Variants in HIPK2 observed in about 807,000 individuals in gnomAD.
The protein encoded by HIPK2 is homeodomain-interacting protein kinase 2.
A neutral mutation model predicts 113.7 loss-of-function variants in HIPK2; 27 were observed. The ratio of observed to expected loss-of-function variants is 0.24; its 90% CI spans 0.17 to 0.33. The LOEUF is 0.33. Among genes scored for constraint, HIPK2 ranks in the 10% least tolerant of loss-of-function variants. The pLI is 1.00. For missense variants in HIPK2, 1,257 were observed against 1,588.0 expected (o/e 0.79, Z 3.54); for synonymous variants, 631 against 642.2 (o/e 0.98, Z 0.26).
In HIPK2 at chr7:139,631,940, T is replaced by A. The variant is rs1800632029; in HGVS notation, c.1104-215A>T. On this transcript the variant is annotated intron_variant, in intron 2 of 14. Transcript: ENST00000406875. The surrounding 1 kb of genome is among the most constrained non-coding windows in gnomAD (Gnocchi z 4.9). ...GGCCCACTTGGAAGGTTGGCTGAGA[T>A]GAAGGATAAGTCTGTGTGTTTAGAA... is the stretch of plus-strand genomic sequence containing the variant. Among the ~76,000 whole-genome samples the A allele has an allele frequency of 6.6e-6, 1 of 152,186 alleles. No individual in the cohort carries two copies. The highest frequency in any genetic ancestry group is 2.4e-5 in the African/African-American group (1 of 41,440).
chr7:139,615,716 G>A (rs1297292843), intron 7 of HIPK2, among the ~76,000 whole-genome samples: 2 of 152,180 alleles, frequency 1.3e-5, no homozygotes, highest in Non-Finnish European at 2.9e-5. Context: ...TTCAAGTAGG[G>A]TGTGTATGGA....
At position 139,567,090 on chromosome 7, in the gene HIPK2, C is replaced by G. The variant is rs1798115267; in HGVS notation, c.*5837G>C. On this transcript the variant is annotated 3_prime_UTR_variant, in exon 15 of 15. Transcript: ENST00000406875. ...CAATAGGTTTTTTTTGCATTTAAAT[C>G]CTGTTTCACCGCCTTCCATTCTCTA... The G allele has an allele frequency of 6.6e-6, 1 of 152,216 alleles. No homozygotes were observed. Among genetic ancestry groups the G allele is most frequent in the Non-Finnish European group, 1.5e-5 (1 of 68,058 alleles). The allele number at this position is 152,216 out of a possible 1,614,324, so 9.4% of individuals were successfully genotyped here. A position where few individuals can be genotyped will look rare whatever the true frequency, so the allele number is the denominator to read the frequency against.
intron 1 of HIPK2, among the ~76,000 whole-genome samples, chr7:139,740,342 G>A (rs1004888931): frequency 1.3e-5 from 2 of 152,244 alleles, no homozygotes; most frequent in Non-Finnish European, 2.9e-5. Flanking sequence ...CCCGGAGAAA[G>A]AGCCAGCACC....
In HIPK2 at chr7:139,604,134, A is replaced by C. The variant is rs1799534767; in HGVS notation, c.2202T>G (p.His734Gln). The C allele has an allele frequency of 1.9e-6, 3 of 1,613,970 alleles. No homozygotes were observed. Among genetic ancestry groups the C allele is most frequent in the Non-Finnish European group, 2.5e-6 (3 of 1,179,896 alleles). Residue 734 changes from histidine (H) to glutamine (Q), a missense_variant, in exon 10 of 15, where the codon CAT (histidine) becomes CAG (glutamine). His to Gln is a conservative substitution (Grantham distance 24). Coordinates refer to ENST00000406875, the MANE Select transcript of HIPK2 (RefSeq NM_022740.5). ...CCATGGTCTCGGGAATCACGGTGGC[A>C]TGCTGCACTGATGTGTGGGTGGCCA... ...TGVATHTSVQ[H>Q]ATVIPETMAG...
intron 1 of HIPK2, among the ~76,000 whole-genome samples, chr7:139,749,283 C>T (rs780304893): frequency 2.6e-5 from 4 of 152,242 alleles, no homozygotes; most frequent in Non-Finnish European, 5.9e-5. Flanking sequence ...TATCCACCAG[C>T]ACAGTGGACC....
At chr7:139,674,028 T>C (rs76406399) in intron 2 of HIPK2, among the ~76,000 whole-genome samples, 3,037 of 150,602 alleles carry the variant, frequency 0.02, 121 homozygotes, top group African/African-American at 0.071. Flanking sequence ...ATGAGCCTAC[T>C]GCACTTCAGC....
chr7:139,719,534 C>T (rs766616427), intron 1 of HIPK2, among the ~76,000 whole-genome samples: 1 of 152,190 alleles, frequency 6.6e-6, no homozygotes, highest in Admixed American at 6.5e-5. Context: ...ACAGGCTGGG[C>T]TCTCCCTCAG....
chr7:139,698,287 A>G (rs1355513891), intron 2 of HIPK2, among the ~76,000 whole-genome samples: 1 of 152,054 alleles, frequency 6.6e-6, no homozygotes, highest in Non-Finnish European at 1.5e-5. Context: ...TTATCAGTAC[A>G]TTTTTCCTTT....
chr7:139,695,395 TG>T (rs1794532617), intron 2 of HIPK2, among the ~76,000 whole-genome samples: 1 of 152,122 alleles, frequency 6.6e-6, no homozygotes, highest in Non-Finnish European at 1.5e-5. Context: ...TAGACAGCCT[TG>T]GGGGCTCGCC....
intron 13 of HIPK2, among the ~76,000 whole-genome samples, chr7:139,575,591 C>T (rs988383727): frequency 2.0e-5 from 3 of 152,172 alleles, no homozygotes; most frequent in African/African-American, 7.2e-5. Context: ...AGGCCCAGTG[C>T]CGTTCCTCTG....
At chr7:139,582,066 G>A (rs1798685762) in intron 13 of HIPK2, among the ~76,000 whole-genome samples, 1 of 152,182 alleles carries the variant, frequency 6.6e-6, no homozygotes, top group Non-Finnish European at 1.5e-5. Flanking sequence ...GCCTCCCAGG[G>A]CCCTTTGGTT....
At chr7:139,587,474 G>GC (rs1398800121) in intron 12 of HIPK2, among the ~76,000 whole-genome samples, 1 of 120,296 alleles carries the variant, frequency 8.3e-6, no homozygotes, top group Non-Finnish European at 1.6e-5. Context: ...GGGCGACAGA[G>GC]CAAGACTGTG....
chr7:139,591,919 T>C (rs187241351), intron 12 of HIPK2, among the ~76,000 whole-genome samples: 23 of 152,384 alleles, frequency 1.5e-4, no homozygotes, highest in African/African-American at 4.8e-4. Context: ...TACATGGTTA[T>C]AGGTAGCAAT....
intron 7 of HIPK2, 147 bp from the exon 8 acceptor site, chr7:139,614,640 G>A: frequency 1.9e-6 from 1 of 517,882 alleles, no homozygotes; most frequent in South Asian, 7.7e-5. Context: ...CAAAAGCAGA[G>A]AGGAGTGGAA....
chr7:139,680,263 T>C (rs1278311500), intron 2 of HIPK2, among the ~76,000 whole-genome samples: 1 of 152,250 alleles, frequency 6.6e-6, no homozygotes, highest in Non-Finnish European at 1.5e-5. Flanking sequence ...ACTGCAGGAC[T>C]GTTTCCCACA....
intron 12 of HIPK2, among the ~76,000 whole-genome samples, chr7:139,584,303 G>C (rs1158465547): frequency 6.6e-6 from 1 of 152,098 alleles, no homozygotes; most frequent in Non-Finnish European, 1.5e-5. Context: ...AGGGGCTTCT[G>C]GAAACTAGGG....
chr7:139,605,416 G>A (rs562641592), intron 9 of HIPK2, among the ~76,000 whole-genome samples: 2 of 152,292 alleles, frequency 1.3e-5, no homozygotes, highest in East Asian at 3.9e-4. Context: ...ATATTTAAAG[G>A]TTTGATATCT....
intron 2 of HIPK2, among the ~76,000 whole-genome samples, chr7:139,665,832 G>A (rs1373635871): frequency 1.3e-5 from 2 of 152,030 alleles, no homozygotes; most frequent in Admixed American, 6.6e-5. Context: ...ATTCAGTTCA[G>A]TTCAAATGTC....
intron 1 of HIPK2, among the ~76,000 whole-genome samples, chr7:139,720,942 T>G (rs988332648): frequency 2.7e-4 from 41 of 152,318 alleles, no homozygotes; most frequent in African/African-American, 9.6e-4. Context: ...GGGTGGCTTA[T>G]GACTTATTTG....
Sources: gnomAD v4.1 joint callset for allele counts (sites outside exome capture counted in the v4.1 genomes callset) on GRCh38, gnomAD v4.1.1 for gene constraint, Gnocchi (gnomAD v3.1) non-coding constraint, MANE v1.5 for transcripts, NCBI Gene and HGNC (gene_info 2026-07-23, HGNC 2026-07-21) for gene names.